The following SLC26A4 variants were observed in gnomAD, a reference collection of about 807,000 sequenced individuals.
SLC26A4 encodes pendrin.
Under a neutral mutation model 90.4 loss-of-function variants are expected in SLC26A4, and 93 were observed. The ratio of observed to expected loss-of-function variants is 1.03; its 90% confidence interval spans 0.87 to 1.22. The LOEUF (loss-of-function observed/expected upper bound fraction) is 1.22. SLC26A4 is among the 50% of genes most tolerant of loss of function. The pLI is 0.00. For synonymous variants in SLC26A4, 393 were observed against 354.6 expected (o/e 1.11, Z -1.22); for missense variants, 1,127 against 946.2 (o/e 1.19, Z -2.51).
chr7:107,683,090 T>C (rs552356053), intron 6 of SLC26A4, 112 bp from the exon 7 acceptor site: 3 of 807,062 alleles, frequency 3.7e-6, no homozygotes, highest in Non-Finnish European at 6.1e-6. Flanking sequence ...GCTGATATCA[T>C]GGTTTTTCAT....
At position 107,698,978 on chromosome 7, in the gene SLC26A4, A is replaced by G. The variant is rs543523815; in HGVS notation, c.1614+867A>G. 5.9e-5 allele frequency among the ~76,000 whole-genome samples: 9 copies of G among 152,060 alleles called. No homozygotes were observed. In the East Asian group the frequency reaches 1.5e-3, roughly 26 times the overall value. The stretch of plus-strand genomic sequence containing the variant: ...TAAATCAAGAAAATACAAATTTAGC[A>G]AATAATAATAATAATAATATCAACC... On this transcript the variant is annotated intron_variant, in intron 14 of 20. Coordinates refer to ENST00000644269, the MANE Select transcript of SLC26A4 (RefSeq NM_000441.2).
intron 3 of SLC26A4, among the ~76,000 whole-genome samples, chr7:107,670,922 G>A (rs1439091082): frequency 3.9e-5 from 6 of 152,088 alleles, no homozygotes; most frequent in African/African-American, 9.7e-5. Flanking sequence ...ATGGGTCTGG[G>A]GGCTGCTGCC....
intron 3 of SLC26A4, among the ~76,000 whole-genome samples, chr7:107,663,710 G>T (rs899739060): frequency 6.6e-6 from 1 of 152,088 alleles, no homozygotes; most frequent in Non-Finnish European, 1.5e-5. Flanking sequence ...TTGAGACGGG[G>T]GCTCGCTCTG....
chr7:107,685,288 A>T (rs1042636394), intron 8 of SLC26A4, among the ~76,000 whole-genome samples: 4 of 152,186 alleles, frequency 2.6e-5, no homozygotes, highest in Admixed American at 2.0e-4. Context: ...ATCTGATCTC[A>T]CTTGGTAGCA....
intron 6 of SLC26A4, among the ~76,000 whole-genome samples, chr7:107,681,221 T>A (rs3801943): frequency 0.22 from 33,395 of 152,002 alleles, 4,075 homozygotes; most frequent in Admixed American, 0.29. Flanking sequence ...ACCCTCTGAG[T>A]GAAAGTTCAA....
At chr7:107,668,636 C>G (rs781568086) in intron 3 of SLC26A4, among the ~76,000 whole-genome samples, 2 of 152,176 alleles carry the variant, frequency 1.3e-5, no homozygotes, top group Non-Finnish European at 2.9e-5. Flanking sequence ...AGCAAAAGAT[C>G]GATGCAACCC....
chr7:107,667,590 G>A (rs1369222492), intron 3 of SLC26A4, among the ~76,000 whole-genome samples: 3 of 151,504 alleles, frequency 2.0e-5, no homozygotes, highest in Admixed American at 6.6e-5. Context: ...GGAGATAAGA[G>A]ATGAAGACAG....
intron 6 of SLC26A4, among the ~76,000 whole-genome samples, chr7:107,677,504 C>A (rs886341198): frequency 1.3e-5 from 2 of 152,034 alleles, no homozygotes; most frequent in African/African-American, 4.8e-5. Flanking sequence ...TCCTCGGGAC[C>A]CAGCCTATTA....
chr7:107,678,797 G>C (rs928412860), intron 6 of SLC26A4, among the ~76,000 whole-genome samples: 4 of 151,808 alleles, frequency 2.6e-5, no homozygotes, highest in African/African-American at 9.7e-5. Flanking sequence ...GAGCCGCTTA[G>C]TCTCTGAACA....
chr7:107,666,325 G>A (rs1408379949), intron 3 of SLC26A4, among the ~76,000 whole-genome samples: 1 of 152,124 alleles, frequency 6.6e-6, no homozygotes, highest in Non-Finnish European at 1.5e-5. Flanking sequence ...GGGCCCAGGT[G>A]ATCCTCCCAT....
At chr7:107,710,756 C>T (rs1411399295) in intron 19 of SLC26A4, among the ~76,000 whole-genome samples, 1 of 152,190 alleles carries the variant, frequency 6.6e-6, no homozygotes, top group Non-Finnish European at 1.5e-5. Flanking sequence ...GCCCTGATTT[C>T]CCATGGGTAT....
At chr7:107,689,843 C>G (rs1791518314) in intron 9 of SLC26A4, among the ~76,000 whole-genome samples, 1 of 152,158 alleles carries the variant, frequency 6.6e-6, no homozygotes, top group South Asian at 2.1e-4. Context: ...TGCAGACATT[C>G]CATTCACTAG....
At chr7:107,669,966 G>A in intron 3 of SLC26A4, among the ~76,000 whole-genome samples, 1 of 152,192 alleles carries the variant, frequency 6.6e-6, no homozygotes, top group East Asian at 1.9e-4. Context: ...GATTGAGGAA[G>A]AGTATACTGA....
Position 107,700,065 on chromosome 7 carries a change from A to G in SLC26A4, c.1615-18A>G. 1.5e-6 allele frequency: 2 copies of G among 1,353,474 alleles called. No homozygotes were observed. The highest frequency in any genetic ancestry group is 2.1e-6 in the Non-Finnish European group (2 of 942,466). The allele number at this position is 1,353,474 out of a possible 1,614,324, so 83.8% of individuals were successfully genotyped here. A position where few individuals can be genotyped will look rare whatever the true frequency, so the allele number is the denominator to read the frequency against. On this transcript the variant is annotated intron_variant, in intron 14 of 20. Transcript: ENST00000644269. ...GGCTTGAAATTATTTAATCCCAGAC[A>G]ATTTCTTTTAATGCCAGATTGAAGA...
At chr7:107,674,510 G>C (rs1790967846) in intron 5 of SLC26A4, among the ~76,000 whole-genome samples, 162 bp downstream of exon 5, 1 of 152,154 alleles carries the variant, frequency 6.6e-6, no homozygotes, top group African/African-American at 2.4e-5. Context: ...TGCTAAAATA[G>C]TAAGCAAGAC....
At chr7:107,665,609 A>G (rs1021337408) in intron 3 of SLC26A4, among the ~76,000 whole-genome samples, 12 of 152,358 alleles carry the variant, frequency 7.9e-5, no homozygotes, top group Admixed American at 7.8e-4. Flanking sequence ...TCTTCTTTAT[A>G]TATAAAAAAT....
intron 15 of SLC26A4, among the ~76,000 whole-genome samples, 160 bp from the exon 16 acceptor site, chr7:107,700,941 G>C (rs1028416464): frequency 6.6e-6 from 1 of 152,080 alleles, no homozygotes; most frequent in Non-Finnish European, 1.5e-5. Flanking sequence ...GGTAGCCTGG[G>C]AGTAGACAGA....
intron 19 of SLC26A4, among the ~76,000 whole-genome samples, chr7:107,710,427 G>A (rs1324697218): frequency 6.6e-6 from 1 of 152,180 alleles, no homozygotes; most frequent in Admixed American, 6.5e-5. Context: ...GTAGTACCCA[G>A]TACTGAATAG....
Position 107,700,126 on chromosome 7 carries a change from C to T in SLC26A4, c.1658C>T (p.Pro553Leu), listed in dbSNP as rs986459860. 1.3e-6 allele frequency: 2 copies of T among 1,592,372 alleles called. No individual in the cohort carries two copies. The highest frequency in any genetic ancestry group is 1.1e-5 in the South Asian group (1 of 90,644). The change falls in exon 15 of 21, where the codon CCT becomes CTT. Residue 553 changes from proline (P) to leucine (L), a missense_variant. By Grantham distance (98) the Pro-to-Leu change is moderately conservative (BLOSUM62 -3). Coordinates refer to ENST00000644269, the MANE Select transcript of SLC26A4 (RefSeq NM_000441.2). Reference protein sequence around the residue: ...QGVKILRFSSPIFYGNVDGFK... With the variant: ...QGVKILRFSSLIFYGNVDGFK... ...GTGAAGATTCTTAGATTTTCCAGTC[C>T]TATTTTCTATGGCAATGTCGATGGT...
Sources: gnomAD v4.1 joint callset for allele counts (sites outside exome capture counted in the v4.1 genomes callset) on GRCh38, gnomAD v4.1.1 for gene constraint, MANE v1.5 for transcripts, NCBI Gene and HGNC (gene_info 2026-07-23, HGNC 2026-07-21) for gene names.